The following HERC3 variants were observed in gnomAD, a reference collection of about 807,000 sequenced individuals.
The protein encoded by HERC3 is HECT and RLD domain containing E3 ubiquitin protein ligase 3.
Under a neutral mutation model 129.9 loss-of-function variants are expected in HERC3, and 58 were observed. The observed-to-expected ratio is 0.45, with a 90% CI of 0.36 to 0.56. The LOEUF is 0.56. Ranked by LOEUF, HERC3 falls within the 20% of genes least tolerant of loss-of-function variation. The pLI is 0.00. For missense variants in HERC3, 835 were observed against 1,244.2 expected (o/e 0.67, Z 4.95); for synonymous variants, 430 against 451.0 (o/e 0.95, Z 0.59).
At chr4:88,550,558 T>G in the HERC3 span, among the ~76,000 whole-genome samples, 1 of 151,864 alleles carries the variant, frequency 6.6e-6, no homozygotes. Flanking sequence ...AATAAAATAC[T>G]TAGGAATCCA....
At chr4:88,577,492 T>C in the HERC3 span, among the ~76,000 whole-genome samples, 1 of 151,956 alleles carries the variant, frequency 6.6e-6, no homozygotes, top group Non-Finnish European at 1.5e-5. Context: ...TTTATTATAT[T>C]ACCTTCAACC....
chr4:88,599,756 G>T (rs548610989), intron 2 of HERC3, among the ~76,000 whole-genome samples: 47 of 152,336 alleles, frequency 3.1e-4, no homozygotes, highest in African/African-American at 1.1e-3. Context: ...AAGGTTGCTT[G>T]CTAAGCAAGG....
At chr4:88,653,198 A>G in intron 6 of HERC3, 108 bp downstream of exon 6, 1 of 1,079,256 alleles carries the variant, frequency 9.3e-7, no homozygotes. Flanking sequence ...ACTAAGGGAG[A>G]AGCAGTGAAC....
chr4:88,635,166 A>G (rs190472757), intron 3 of HERC3, among the ~76,000 whole-genome samples: 4 of 152,244 alleles, frequency 2.6e-5, no homozygotes, highest in Admixed American at 2.6e-4. Context: ...ATGAATTGAC[A>G]AAAACAGGCT....
chr4:88,702,609 A>C (rs1407376231), intron 23 of HERC3, among the ~76,000 whole-genome samples: 1 of 152,116 alleles, frequency 6.6e-6, no homozygotes, highest in Non-Finnish European at 1.5e-5. Flanking sequence ...TGACTCTACC[A>C]TCTTTTCCTT....
At chr4:88,680,591 G>A (rs1193957322) in intron 20 of HERC3, among the ~76,000 whole-genome samples, 1 of 152,176 alleles carries the variant, frequency 6.6e-6, no homozygotes, top group Non-Finnish European at 1.5e-5. Flanking sequence ...TCACACACAT[G>A]TGCATGCACA....
At chr4:88,553,757 T>G in the HERC3 span, among the ~76,000 whole-genome samples, 1 of 152,164 alleles carries the variant, frequency 6.6e-6, no homozygotes, top group African/African-American at 2.4e-5. Flanking sequence ...AGAATGGTCT[T>G]GATCTCTTGA....
intron 3 of HERC3, among the ~76,000 whole-genome samples, chr4:88,612,940 A>G (rs1004404323): frequency 2.6e-5 from 4 of 152,190 alleles, no homozygotes; most frequent in African/African-American, 9.7e-5. Context: ...AAAGGATTCA[A>G]TAAATACCTT....
chr4:88,635,445 A>G (rs1338580562), intron 3 of HERC3, among the ~76,000 whole-genome samples: 1 of 152,064 alleles, frequency 6.6e-6, no homozygotes. Flanking sequence ...GGCAGACAAG[A>G]TTAAAGAAAA....
intron 3 of HERC3, among the ~76,000 whole-genome samples, chr4:88,638,665 CTTT>C (rs1397746152): frequency 2.0e-5 from 3 of 152,162 alleles, no homozygotes; most frequent in Non-Finnish European, 4.4e-5. Context: ...GAAGCATTCC[CTTT>C]GAAAACTGGC....
the HERC3 span, among the ~76,000 whole-genome samples, chr4:88,544,259 A>G: frequency 2.4e-4 from 36 of 152,388 alleles, no homozygotes; most frequent in African/African-American, 7.5e-4. Context: ...AAGTGGACGA[A>G]GAATATGAAC....
the HERC3 span, among the ~76,000 whole-genome samples, chr4:88,569,197 G>A: frequency 1.3e-5 from 2 of 152,188 alleles, no homozygotes; most frequent in Non-Finnish European, 2.9e-5. Context: ...CTCCCTCCAT[G>A]TGTGCTGACT....
rs542756553 is a variant in HERC3, at chr4:88,678,302, A to G, written c.2196+168A>G. 3.3e-5 allele frequency among the ~76,000 whole-genome samples: 5 copies of G among 152,346 alleles called. No homozygotes were observed. The South Asian group carries it at 1.0e-3, about 32-fold the overall frequency. ...TCAAATCACCAAACAGAACACCTCAATGTAACATTGGATAAAAATGCCAGT... is the reference window on the plus strand; with the variant it reads ...TCAAATCACCAAACAGAACACCTCAGTGTAACATTGGATAAAAATGCCAGT... On this transcript the variant is annotated intron_variant, in intron 19 of 25. Coordinates refer to ENST00000402738, the MANE Select transcript of HERC3 (RefSeq NM_014606.3).
intron 3 of HERC3, among the ~76,000 whole-genome samples, chr4:88,628,489 T>C (rs1415291718): frequency 6.6e-6 from 1 of 152,184 alleles, no homozygotes; most frequent in East Asian, 1.9e-4. Context: ...CCAACCTGAC[T>C]CTCTCTTTTC....
In HERC3 at chr4:88,670,251, T is replaced by A; in HGVS notation, c.1910T>A (p.Met637Lys). ...YLMWFLHQAG[M>K]KARPSIIQDT... ...ATGTGGTTCTTGCATCAAGCAGGGA[T>A]GGTAAGAATTCATAAAGCATATTTT... is the stretch of plus-strand genomic sequence containing the variant. Residue 637 changes from methionine (M) to lysine (K), a missense_variant and splice_region_variant, in exon 16 of 26, where the codon ATG (methionine) becomes AAG (lysine). By Grantham distance (95) the Met-to-Lys change is moderately conservative. Coordinates refer to ENST00000402738, the MANE Select transcript of HERC3 (RefSeq NM_014606.3). 6.3e-7 allele frequency: 1 copy of A among 1,576,784 alleles called. No individual in the cohort carries two copies.
At chr4:88,651,441 T>C (rs958528550) in intron 4 of HERC3, among the ~76,000 whole-genome samples, 5 of 152,198 alleles carry the variant, frequency 3.3e-5, no homozygotes, top group Non-Finnish European at 1.5e-5. Context: ...GTGAATGACC[T>C]TGGGCAGGTT....
chr4:88,536,201 T>G, the HERC3 span, among the ~76,000 whole-genome samples: 1 of 152,200 alleles, frequency 6.6e-6, no homozygotes, highest in African/African-American at 2.4e-5. Context: ...ACTTCTCATC[T>G]TGAATTCAGC....
intron 16 of HERC3, 89 bp from the exon 17 acceptor site, chr4:88,676,129 G>C: frequency 3.1e-6 from 3 of 961,396 alleles, no homozygotes; most frequent in Non-Finnish European, 4.8e-6. Context: ...GATTGGTTCT[G>C]TGTTTTGTTA....
intron 2 of HERC3, among the ~76,000 whole-genome samples, chr4:88,602,672 G>C (rs1279506468): frequency 6.6e-6 from 1 of 151,996 alleles, no homozygotes; most frequent in African/African-American, 2.4e-5. Context: ...TGGAGATAAG[G>C]TCTCACTGTG....
Sources: gnomAD v4.1 joint callset for allele counts (sites outside exome capture counted in the v4.1 genomes callset) on GRCh38, gnomAD v4.1.1 for gene constraint, MANE v1.5 for transcripts, NCBI Gene and HGNC (gene_info 2026-07-23, HGNC 2026-07-21) for gene names.